RADIL: variants seen among roughly 807,000 people sequenced by gnomAD.
RADIL encodes the protein ras-associating and dilute domain-containing protein.
A neutral mutation model predicts 97.6 loss-of-function variants in RADIL; 99 were observed. The ratio of observed to expected loss-of-function variants is 1.01; its 90% CI spans 0.86 to 1.20. The LOEUF (loss-of-function observed/expected upper bound fraction) is 1.20. Ranked by LOEUF, RADIL falls within the 50% of genes most tolerant of loss-of-function variation. RADIL has a pLI of 0.00. For missense variants in RADIL, 1,765 were observed against 1,498.9 expected, an observed-to-expected ratio of 1.18 and a Z score of -2.93; for synonymous variants, 803 against 691.8, an observed-to-expected ratio of 1.16 and a Z score of -2.52.
Position 4,800,321 on chromosome 7 carries a change from G to A in RADIL, c.2843-11C>T. ...GGGCTGCAGAGTCTCCTGGGTGGGG[G>A]CCAGGAAAGGTGGGTGGGAGTGAGG... On this transcript the variant is annotated splice_polypyrimidine_tract_variant and intron_variant, in intron 12 of 14. Coordinates refer to ENST00000399583, the MANE Select transcript of RADIL (RefSeq NM_018059.5). 1 of 1,437,444 alleles carries A rather than the reference G, an allele frequency of 7.0e-7. No individual in the cohort carries two copies. The highest frequency in any genetic ancestry group is 1.5e-5 in the African/African-American group (1 of 67,372). The allele number at this position is 1,437,444 out of a possible 1,614,324, so 89.0% of individuals were successfully genotyped here. A position where few individuals can be genotyped will look rare whatever the true frequency, so the allele number is the denominator to read the frequency against.
At position 4,815,013 on chromosome 7, in the gene RADIL, G is replaced by A. The variant is rs1031777140; in HGVS notation, c.2139+265C>T. ...TCAAGGTCCTTAATCGTAGTCACAC[G>A]TACAGAGGCTTCTTTGCCATGTGGG... On this transcript the variant is annotated intron_variant, in intron 9 of 14. Coordinates refer to ENST00000399583, the MANE Select transcript of RADIL (RefSeq NM_018059.5). This position sits in a 1 kb window ranked among gnomAD's most constrained non-coding sequence, Gnocchi z 8.0. Among the ~76,000 whole-genome samples the A allele has an allele frequency of 1.3e-5, 2 of 152,188 alleles. No individual in the cohort carries two copies. The highest frequency in any genetic ancestry group is 2.9e-5 in the Non-Finnish European group (2 of 68,038).
At chr7:4,876,836 A>G (rs961451689) in intron 2 of RADIL, among the ~76,000 whole-genome samples, 2 of 152,194 alleles carry the variant, frequency 1.3e-5, no homozygotes, top group African/African-American at 4.8e-5. Flanking sequence ...CGGTACGCTG[A>G]GTGCACCGTG....
chr7:4,803,926 G>A, intron 10 of RADIL, 172 bp from the exon 11 acceptor site: 1 of 708,814 alleles, frequency 1.4e-6, no homozygotes, highest in Non-Finnish European at 2.5e-6. Flanking sequence ...CCCACCCTAG[G>A]ACTCATCCCT....
At chr7:4,816,112 G>A in intron 8 of RADIL, 116 bp downstream of exon 8, 1 of 928,824 alleles carries the variant, frequency 1.1e-6, no homozygotes, top group African/African-American at 1.6e-5. Context: ...GACGCTCAGG[G>A]AGCAGGAGGC....
At chr7:4,809,981 T>C (rs1320492998) in intron 9 of RADIL, among the ~76,000 whole-genome samples, 1 of 152,088 alleles carries the variant, frequency 6.6e-6, no homozygotes, top group Non-Finnish European at 1.5e-5. Flanking sequence ...GCCTCCTGAA[T>C]AGCTGCCTAA....
At chr7:4,826,748 A>C (rs982539981) in intron 5 of RADIL, among the ~76,000 whole-genome samples, 50 of 152,028 alleles carry the variant, frequency 3.3e-4, no homozygotes, top group Non-Finnish European at 1.6e-4. Context: ...AAAAAAACAA[A>C]AAAAAAAACC....
In RADIL at chr7:4,878,074, C is replaced by G. The variant is rs1358301904; in HGVS notation, c.66G>C (p.Gln22His). The G allele has an allele frequency of 2.5e-6, 4 of 1,597,060 alleles. No individual in the cohort carries two copies. The Admixed American group carries it at 5.3e-5, about 21-fold the overall frequency. Residue 22 changes from glutamine (Q) to histidine (H), a missense_variant, in exon 2 of 15, where the codon CAG becomes CAC. Coordinates refer to ENST00000399583, the MANE Select transcript of RADIL (RefSeq NM_018059.5). The surrounding 1 kb of genome is among the most constrained non-coding windows in gnomAD (Gnocchi z 4.1). ...PTKSKLKRQS[Q>H]LLSSMLSRTL... ...TCCGGGACAGCATGCTGGACAACAG[C>G]TGGCTCTGCCGCTTCAGTTTGCTCT...
intron 5 of RADIL, among the ~76,000 whole-genome samples, chr7:4,828,099 C>T (rs1346231813): frequency 6.6e-6 from 1 of 152,130 alleles, no homozygotes; most frequent in African/African-American, 2.4e-5. Context: ...AAGGACTGCA[C>T]GCTGTTGGTG....
chr7:4,861,321 C>T (rs1219701263), intron 2 of RADIL: 1 of 1,613,838 alleles, frequency 6.2e-7, no homozygotes, highest in South Asian at 1.1e-5. Flanking sequence ...ATCTCTATCC[C>T]ATCAAAACAC....
chr7:4,832,244 T>TAA, intron 4 of RADIL, 66 bp from the exon 5 acceptor site: 1 of 1,438,158 alleles, frequency 7.0e-7, no homozygotes, highest in Non-Finnish European at 9.5e-7. Context: ...CGCGTTCAAA[T>TAA]ACACGATACC....
chr7:4,858,883 A>G (rs1003701663), intron 2 of RADIL: 1 of 152,220 alleles, frequency 6.6e-6, no homozygotes, highest in East Asian at 1.9e-4. Context: ...ATACAGGCAA[A>G]GAGAAGAGAG....
chr7:4,851,565 G>A (rs1039445567), intron 2 of RADIL, among the ~76,000 whole-genome samples: 1 of 152,194 alleles, frequency 6.6e-6, no homozygotes, highest in Non-Finnish European at 1.5e-5. Flanking sequence ...GAGGGTTCTT[G>A]TGATGTGAGG....
chr7:4,855,392 G>A (rs1443991540), intron 2 of RADIL, among the ~76,000 whole-genome samples: 2 of 151,944 alleles, frequency 1.3e-5, no homozygotes, highest in Admixed American at 1.3e-4. Context: ...AAGACTAAGG[G>A]GATCAGTAAG....
At chr7:4,850,740 A>G (rs989261259) in intron 2 of RADIL, among the ~76,000 whole-genome samples, 2 of 152,228 alleles carry the variant, frequency 1.3e-5, no homozygotes, top group Non-Finnish European at 2.9e-5. Context: ...TGAGTCTGAA[A>G]GAGGCCCCTG....
Position 4,809,674 on chromosome 7 carries a change from T to TTTA in RADIL, c.2140-3959_2140-3958insTAA, listed in dbSNP as rs781716879. The stretch of plus-strand genomic sequence containing the variant: ...ACATCTTATTTTATTTATTTATTTA[T>TTTA]TTTATTTTATTTAATTGATTTATTT... On this transcript the variant is annotated intron_variant, in intron 9 of 14. Coordinates refer to ENST00000399583, the MANE Select transcript of RADIL (RefSeq NM_018059.5). 1.0e-4 allele frequency: 83 copies of TTTA among 819,066 alleles called. No individual in the cohort carries two copies. In the Middle Eastern group the frequency reaches 2.7e-3, roughly 27 times the overall value. 50.7% of individuals were successfully genotyped at this position (819,066 alleles called of 1,614,324 possible).
intron 2 of RADIL, among the ~76,000 whole-genome samples, chr7:4,877,142 A>T (rs576536027): frequency 6.6e-6 from 1 of 152,334 alleles, no homozygotes; most frequent in Non-Finnish European, 1.5e-5. Flanking sequence ...TGCTGCGTAG[A>T]CAAACTACAA....
chr7:4,873,258 A>G lies in RADIL; in HGVS notation c.535+4347T>C, dbSNP rs1784295738. On this transcript the variant is annotated intron_variant, in intron 2 of 14. Transcript: ENST00000399583. The surrounding 1 kb of genome is among the most constrained non-coding windows in gnomAD (Gnocchi z 4.3). ...AAGTGTGACTCTTACCATAGGAGTA[A>G]TGGGAAATTATTGAAAAACAGTGTT... Among the ~76,000 whole-genome samples the G allele has an allele frequency of 6.6e-6, 1 of 152,146 alleles. No homozygotes were observed. The highest frequency in any genetic ancestry group is 1.5e-5 in the Non-Finnish European group (1 of 68,028).
intron 2 of RADIL, among the ~76,000 whole-genome samples, chr7:4,848,288 A>C (rs953867896): frequency 3.9e-5 from 6 of 151,996 alleles, no homozygotes; most frequent in Non-Finnish European, 7.4e-5. Flanking sequence ...TTTACTAAAA[A>C]TTCATTCAAT....
In RADIL at chr7:4,836,379, C is replaced by G. The variant is rs554156220; in HGVS notation, c.762G>C (p.Leu254=). The G allele has an allele frequency of 3.2e-5, 50 of 1,573,722 alleles. No homozygotes were observed. The highest frequency in any genetic ancestry group is 3.8e-5 in the Non-Finnish European group (44 of 1,159,520). ...SLYQSPHLLL[L]QGYSQQHDSL... is the part of the protein sequence containing the mutation. ...TCACGTGCTGCTGGCTGTAGCCCTGCAGAAGGAGCAGATGCGGGGACTGGT... is the reference window on the plus strand; with the variant it reads ...TCACGTGCTGCTGGCTGTAGCCCTGGAGAAGGAGCAGATGCGGGGACTGGT... The change falls in exon 3 of 15, where the codon CTG becomes CTC. Residue 254 remains leucine (L), a synonymous_variant. Transcript: ENST00000399583.
Sources: gnomAD v4.1 joint callset for allele counts (sites outside exome capture counted in the v4.1 genomes callset) on GRCh38, gnomAD v4.1.1 for gene constraint, Gnocchi (gnomAD v3.1) non-coding constraint, MANE v1.5 for transcripts, NCBI Gene and HGNC (gene_info 2026-07-23, HGNC 2026-07-21) for gene names.